CNR2: variants seen among roughly 807,000 people sequenced by gnomAD.
CNR2 encodes the protein cannabinoid receptor 2 (macrophage).
For missense variants in CNR2, 379 were observed against 439.9 expected, an observed-to-expected ratio of 0.86 and a Z score of 1.24; for synonymous variants, 172 against 182.2, an observed-to-expected ratio of 0.94 and a Z score of 0.45.
chr1:23,897,169 C>T (rs1640299510), intron 1 of CNR2, among the ~76,000 whole-genome samples: 1 of 152,036 alleles, frequency 6.6e-6, no homozygotes, highest in Admixed American at 6.6e-5. Flanking sequence ...GCCACTGCAC[C>T]CTGCCAGGAG....
At chr1:23,896,793 T>TGCTG (rs1056195799) in intron 1 of CNR2, among the ~76,000 whole-genome samples, 12 of 152,078 alleles carry the variant, frequency 7.9e-5, no homozygotes, top group Admixed American at 5.9e-4. Context: ...ATAGGAAGGA[T>TGCTG]GCTGGTTCCA....
At chr1:23,907,131 A>G (rs1640505766) in intron 1 of CNR2, 1 of 151,886 alleles carries the variant, frequency 6.6e-6, no homozygotes, top group South Asian at 2.1e-4. Flanking sequence ...ATGGTGGCAC[A>G]CTCCTGTAAT....
At chr1:23,889,871 C>G (rs1328806646) in intron 1 of CNR2, among the ~76,000 whole-genome samples, 1 of 152,192 alleles carries the variant, frequency 6.6e-6, no homozygotes, top group African/African-American at 2.4e-5. Context: ...CATGATTATA[C>G]AGATTAATGA....
intron 1 of CNR2, among the ~76,000 whole-genome samples, chr1:23,884,904 G>T (rs765384628): frequency 6.6e-6 from 1 of 151,938 alleles, no homozygotes; most frequent in Non-Finnish European, 1.5e-5. Flanking sequence ...GAGTTCAAGC[G>T]GTTCTCCGGC....
In CNR2 at chr1:23,873,043, A is replaced by T. The variant is rs969780704; in HGVS notation, c.*1492T>A. On this transcript the variant is annotated 3_prime_UTR_variant, in exon 2 of 2. Transcript: ENST00000374472. ...ATGAATAAGTGAATAGCTAGTGGAT[A>T]TTTTGTCTTGAAAGTATTAAACGAA... 3 of 152,154 alleles carry T rather than the reference A, an allele frequency of 2.0e-5. No homozygotes were observed. The highest frequency in any genetic ancestry group is 7.2e-5 in the African/African-American group (3 of 41,440). 9.4% of individuals were successfully genotyped at this position (152,154 alleles called of 1,614,324 possible).
chr1:23,881,439 A>G (rs56140747), intron 1 of CNR2, among the ~76,000 whole-genome samples: 1 of 151,350 alleles, frequency 6.6e-6, no homozygotes, highest in African/African-American at 2.4e-5. Context: ...CTAAAAATAC[A>G]AAAATTAACC....
At chr1:23,879,060 A>G (rs1639934747) in intron 1 of CNR2, among the ~76,000 whole-genome samples, 1 of 152,238 alleles carries the variant, frequency 6.6e-6, no homozygotes. Flanking sequence ...GTTGACAAAT[A>G]TGAGTAAAGA....
intron 1 of CNR2, among the ~76,000 whole-genome samples, chr1:23,901,249 C>T (rs1640393198): frequency 6.6e-6 from 1 of 152,114 alleles, no homozygotes; most frequent in Admixed American, 6.6e-5. Context: ...AAATCTTCCT[C>T]CACCTGAGAC....
intron 1 of CNR2, among the ~76,000 whole-genome samples, chr1:23,883,523 G>A (rs976886486): frequency 1.3e-5 from 2 of 152,204 alleles, no homozygotes; most frequent in Non-Finnish European, 2.9e-5. Context: ...CAACAATGAT[G>A]AATCTTAAAA....
chr1:23,888,832 G>A (rs1023140005), intron 1 of CNR2, among the ~76,000 whole-genome samples: 1 of 152,110 alleles, frequency 6.6e-6, no homozygotes, highest in South Asian at 2.1e-4. Context: ...AGCCAGGAGT[G>A]GGGGCAGGTG....
At chr1:23,905,950 C>G (rs551302223) in intron 1 of CNR2, among the ~76,000 whole-genome samples, 2 of 152,108 alleles carry the variant, frequency 1.3e-5, no homozygotes, top group East Asian at 3.8e-4. Context: ...GCCTCGGGAG[C>G]CAAACTTGCA....
intron 1 of CNR2, chr1:23,901,326 G>C: frequency 4.4e-6 from 3 of 682,422 alleles, no homozygotes; most frequent in Non-Finnish European, 7.2e-6. Flanking sequence ...TGGAAAAGGT[G>C]CCTACTTCAC....
intron 1 of CNR2, among the ~76,000 whole-genome samples, chr1:23,892,367 G>T (rs1640206088): frequency 6.6e-6 from 1 of 152,184 alleles, no homozygotes; most frequent in African/African-American, 2.4e-5. Flanking sequence ...GATGAAAAGG[G>T]CTGGCAAAGG....
chr1:23,878,880 G>C (rs1639932295), intron 1 of CNR2, among the ~76,000 whole-genome samples: 1 of 152,142 alleles, frequency 6.6e-6, no homozygotes, highest in Admixed American at 6.5e-5. Flanking sequence ...TGTCAGTCTA[G>C]AATTTTATAC....
At chr1:23,875,976 AC>A (rs1228194055) in intron 1 of CNR2, among the ~76,000 whole-genome samples, 1 of 152,068 alleles carries the variant, frequency 6.6e-6, no homozygotes, top group Non-Finnish European at 1.5e-5. Context: ...AAAGGTCAAA[AC>A]CAAGAGGAAA....
chr1:23,888,092 C>T (rs1045830857), intron 1 of CNR2, among the ~76,000 whole-genome samples: 8 of 152,178 alleles, frequency 5.3e-5, no homozygotes, highest in South Asian at 2.1e-4. Context: ...ACATAATGCC[C>T]ACCTCAAAAT....
chr1:23,909,022 G>T (rs993182962), intron 1 of CNR2, among the ~76,000 whole-genome samples: 3 of 152,148 alleles, frequency 2.0e-5, no homozygotes, highest in Admixed American at 6.5e-5. Flanking sequence ...GGAAGCAGGT[G>T]GGGGAGGGGA....
intron 1 of CNR2, among the ~76,000 whole-genome samples, chr1:23,905,905 C>CG (rs891301900): frequency 6.6e-6 from 1 of 152,098 alleles, no homozygotes; most frequent in African/African-American, 2.4e-5. Flanking sequence ...TGGGATCTAG[C>CG]GGGATCACGG....
chr1:23,897,277 A>T (rs574956791), intron 1 of CNR2, among the ~76,000 whole-genome samples: 1 of 152,158 alleles, frequency 6.6e-6, no homozygotes, highest in East Asian at 1.9e-4. Context: ...ATTGCAAAAG[A>T]GCTGGCGAGA....
Sources: allele counts gnomAD v4.1 joint callset (sites outside exome capture counted in the v4.1 genomes callset), GRCh38; gene constraint gnomAD v4.1.1; transcripts MANE v1.5; gene names NCBI Gene and HGNC (gene_info 2026-07-23, HGNC 2026-07-21).